CDH22: variants seen among roughly 807,000 people sequenced by gnomAD.
The protein encoded by CDH22 is cadherin-22.
Under a neutral mutation model 58.4 loss-of-function variants are expected in CDH22, and 30 were observed. The observed-to-expected ratio is 0.51, with a 90% CI of 0.38 to 0.70. The LOEUF is 0.70. Among genes scored for constraint, CDH22 ranks in the 30% least tolerant of loss-of-function variants. The probability of loss-of-function intolerance (pLI) is 0.00; values close to 1 mark genes in which losing one functional copy is unlikely to be tolerated. For synonymous variants in CDH22, 513 were observed against 558.2 expected, an observed-to-expected ratio of 0.92 and a Z score of 1.14; for missense variants, 1,014 against 1,233.9, an observed-to-expected ratio of 0.82 and a Z score of 2.67.
intron 4 of CDH22, 104 bp from the exon 5 acceptor site, chr20:46,217,097 TTAA>T: frequency 8.5e-7 from 1 of 1,178,828 alleles, no homozygotes; most frequent in Non-Finnish European, 1.2e-6. Flanking sequence ...CCTGGGAAAA[TTAA>T]GCTCAGGAGG....
intron 1 of CDH22, among the ~76,000 whole-genome samples, chr20:46,307,598 G>C (rs192133317): frequency 6.6e-6 from 1 of 152,144 alleles, no homozygotes. Flanking sequence ...GGGCAGGGGG[G>C]GTCGCGCCGG....
chr20:46,227,381 G>GC, intron 4 of CDH22, 127 bp downstream of exon 4: 1 of 874,582 alleles, frequency 1.1e-6, no homozygotes, highest in South Asian at 1.6e-5. Flanking sequence ...TGCACAAGGT[G>GC]CCCCCTGTGC....
chr20:46,187,385 G>A (rs1315300043), intron 8 of CDH22, among the ~76,000 whole-genome samples: 1 of 151,574 alleles, frequency 6.6e-6, no homozygotes. Context: ...ACATAACTAT[G>A]AGTACCACCA....
chr20:46,274,262 T>C (rs1240353565), intron 1 of CDH22, among the ~76,000 whole-genome samples: 2 of 152,118 alleles, frequency 1.3e-5, no homozygotes, highest in East Asian at 1.9e-4. Flanking sequence ...ATGACAGGGC[T>C]CTCTGCTCCT....
chr20:46,276,253 C>T (rs1192258537), intron 1 of CDH22, among the ~76,000 whole-genome samples: 3 of 152,130 alleles, frequency 2.0e-5, no homozygotes, highest in Non-Finnish European at 4.4e-5. Context: ...AAGGAGAGAC[C>T]CTGGACTTTA....
chr20:46,250,755 T>C (rs536269153), intron 2 of CDH22, among the ~76,000 whole-genome samples: 1 of 152,262 alleles, frequency 6.6e-6, no homozygotes, highest in African/African-American at 2.4e-5. Context: ...ATGATCGGAT[T>C]TGCAAACTCG....
chr20:46,250,969 G>T, intron 2 of CDH22, 71 bp downstream of exon 2: 1 of 918,290 alleles, frequency 1.1e-6, no homozygotes, highest in South Asian at 1.3e-5. Flanking sequence ...GGTGAACAAG[G>T]GTTTCTTGTA....
chr20:46,204,061 T>C (rs2085980606), intron 7 of CDH22, among the ~76,000 whole-genome samples: 1 of 152,062 alleles, frequency 6.6e-6, no homozygotes, highest in African/African-American at 2.4e-5. Flanking sequence ...CTTGGGCAAG[T>C]CACCTAATCT....
Position 46,224,438 on chromosome 20 carries a change from G to A in CDH22, c.670+3070C>T, listed in dbSNP as rs1219389605. Among the ~76,000 whole-genome samples the A allele has an allele frequency of 5.9e-5, 9 of 152,302 alleles. No individual in the cohort carries two copies. The East Asian group carries it at 1.7e-3, about 29-fold the overall frequency. On this transcript the variant is annotated intron_variant, in intron 4 of 11. Coordinates refer to ENST00000537909, the MANE Select transcript of CDH22 (RefSeq NM_021248.3). ...AGATGGGTATGATTCTCTCCCCTGT[G>A]CACATGGGGAAACTGAAGCTTTAAG...
chr20:46,256,287 G>A lies in CDH22; in HGVS notation c.-399-4594C>T, dbSNP rs921948962. Among the ~76,000 whole-genome samples the A allele has an allele frequency of 1.1e-4, 17 of 152,296 alleles. No individual in the cohort carries two copies. The Middle Eastern group carries it at 0.01, about 91-fold the overall frequency. ...AGTGGAGAGAGCAAAGCAGAGTAAGGGGCAGGAAGTTCTGGGGATGGCGGG... is the reference window on the plus strand; with the variant it reads ...AGTGGAGAGAGCAAAGCAGAGTAAGAGGCAGGAAGTTCTGGGGATGGCGGG... On this transcript the variant is annotated intron_variant, in intron 1 of 11. Coordinates refer to ENST00000537909, the MANE Select transcript of CDH22 (RefSeq NM_021248.3).
Position 46,210,563 on chromosome 20 carries a change from G to A in CDH22, c.1033-3C>T. ...GGCTGGGATTCGAAGTCCAGGCGCT[G>A]CGGGAGGGAGCAGAGGGCCGGTTAG... is the stretch of plus-strand genomic sequence containing the variant. On this transcript the variant is annotated splice_region_variant and splice_polypyrimidine_tract_variant and intron_variant, in intron 6 of 11. Transcript: ENST00000537909. This position sits in a 1 kb window ranked among gnomAD's most constrained non-coding sequence, Gnocchi z 4.5. 2 of 1,428,822 alleles carry A rather than the reference G, an allele frequency of 1.4e-6. No individual in the cohort carries two copies. Among genetic ancestry groups the A allele is most frequent in the East Asian group, 2.8e-5 (1 of 36,030 alleles). 88.5% of individuals were successfully genotyped at this position (1,428,822 alleles called of 1,614,324 possible).
chr20:46,260,582 G>C (rs928925261), intron 1 of CDH22, among the ~76,000 whole-genome samples: 1 of 152,210 alleles, frequency 6.6e-6, no homozygotes, highest in African/African-American at 2.4e-5. Flanking sequence ...ACTCAGGAGA[G>C]GCTTGCTCCA....
At chr20:46,180,593 A>G (rs1351305252) in intron 10 of CDH22, among the ~76,000 whole-genome samples, 3 of 152,230 alleles carry the variant, frequency 2.0e-5, no homozygotes, top group Non-Finnish European at 2.9e-5. Flanking sequence ...TTTTAAATAC[A>G]TAGTAATGTT....
chr20:46,258,138 A>G (rs993720497), intron 1 of CDH22, among the ~76,000 whole-genome samples: 2 of 152,158 alleles, frequency 1.3e-5, no homozygotes, highest in African/African-American at 4.8e-5. Context: ...GGCGGAGGTC[A>G]TTAGTGACCT....
At chr20:46,187,105 ATAAGT>A (rs1305834613) in intron 8 of CDH22, among the ~76,000 whole-genome samples, 158 bp from the exon 9 acceptor site, 5 of 152,208 alleles carry the variant, frequency 3.3e-5, no homozygotes, top group East Asian at 3.9e-4. Context: ...ACATTTGGGC[ATAAGT>A]TAAGTAATCA....
intron 9 of CDH22, 52 bp downstream of exon 9, chr20:46,186,774 G>A (rs2085828405): frequency 1.3e-6 from 2 of 1,598,114 alleles, no homozygotes; most frequent in Non-Finnish European, 1.7e-6. Flanking sequence ...GGTAGAGGAT[G>A]CTGCTGGCCA....
At chr20:46,263,415 T>TGTGTGTGG (rs1407660851) in intron 1 of CDH22, among the ~76,000 whole-genome samples, 1 of 151,484 alleles carries the variant, frequency 6.6e-6, no homozygotes, top group East Asian at 1.9e-4. Flanking sequence ...TCTGTGTGTG[T>TGTGTGTGG]GTGTGTGTGT....
intron 1 of CDH22, among the ~76,000 whole-genome samples, chr20:46,304,109 C>G (rs1490703885): frequency 6.6e-6 from 1 of 152,142 alleles, no homozygotes; most frequent in African/African-American, 2.4e-5. Flanking sequence ...CCACCTTCCT[C>G]AAGGCAAAGG....
chr20:46,239,803 C>T (rs904545778), intron 3 of CDH22, among the ~76,000 whole-genome samples: 3 of 152,178 alleles, frequency 2.0e-5, no homozygotes, highest in African/African-American at 7.2e-5. Context: ...TCTACCAGAG[C>T]CCCAGGAGCC....
Sources: allele counts gnomAD v4.1 joint callset (sites outside exome capture counted in the v4.1 genomes callset), GRCh38; gene constraint gnomAD v4.1.1; non-coding constraint Gnocchi (gnomAD v3.1); transcripts MANE v1.5; gene names NCBI Gene and HGNC (gene_info 2026-07-23, HGNC 2026-07-21).